LHFPL5: variants seen among roughly 807,000 people sequenced by gnomAD.
The protein encoded by LHFPL5 is LHFPL tetraspan subfamily member 5 protein.
A neutral mutation model predicts 18.7 loss-of-function variants in LHFPL5; 12 were observed. The observed-to-expected ratio is 0.64, with a 90% confidence interval of 0.41 to 1.04. The LOEUF (loss-of-function observed/expected upper bound fraction) is 1.04. Ranked by LOEUF, LHFPL5 falls within the 50% of genes least tolerant of loss-of-function variation. The pLI is 0.00. For synonymous variants in LHFPL5, 111 were observed against 120.2 expected (o/e 0.92, Z 0.50); for missense variants, 259 against 292.1 (o/e 0.89, Z 0.83).
Position 35,805,881 on chromosome 6 carries a change from AACGTGCTGTCCTCC to A in LHFPL5, c.212_225del (p.Asn71ArgfsTer17). Reference sequence around the variant, plus strand: ...CGGCCTTTTCTCCTACTGCGTGGGTAACGTGCTGTCCTCCGAGCTCATCTGCAAGGGCGGCCCCC... The same window carrying A: ...CGGCCTTTTCTCCTACTGCGTGGGTAGAGCTCATCTGCAAGGGCGGCCCCC... On this transcript the variant is annotated frameshift_variant, in exon 1 of 4. Coordinates refer to ENST00000360215, the MANE Select transcript of LHFPL5 (RefSeq NM_182548.4). LOFTEE classifies it high-confidence loss of function. This position sits in a 1 kb window ranked among gnomAD's most constrained non-coding sequence, Gnocchi z 4.3. 4.3e-6 allele frequency: 7 copies of A among 1,614,186 alleles called. No individual in the cohort carries two copies. The highest frequency in any genetic ancestry group is 5.9e-6 in the Non-Finnish European group (7 of 1,180,012).
At chr6:35,817,919 A>G (rs957338902) in intron 2 of LHFPL5, among the ~76,000 whole-genome samples, 5 of 152,248 alleles carry the variant, frequency 3.3e-5, no homozygotes, top group Non-Finnish European at 7.3e-5. Flanking sequence ...TCATGGCAGC[A>G]TAATAGCCAA....
chr6:35,822,774 CA>C (rs1768889907), intron 3 of LHFPL5, among the ~76,000 whole-genome samples: 3 of 151,754 alleles, frequency 2.0e-5, no homozygotes, highest in Admixed American at 2.0e-4. Context: ...GGTGTGAGCC[CA>C]ATTTTGGTAT....
chr6:35,813,191 C>T (rs1442973661), intron 1 of LHFPL5, among the ~76,000 whole-genome samples: 1 of 149,654 alleles, frequency 6.7e-6, no homozygotes, highest in African/African-American at 2.5e-5. Flanking sequence ...TGGAAGAGTG[C>T]TTTTGAAAAC....
rs1386289697 is a variant in LHFPL5 at position 35,805,554 on chromosome 6, C to G, written c.-117C>G. The G allele has an allele frequency of 9.5e-7, 1 of 1,050,166 alleles. No individual in the cohort carries two copies. The highest frequency in any genetic ancestry group is 1.9e-5 in the Admixed American group (1 of 51,744). 65.1% of individuals were successfully genotyped at this position (1,050,166 alleles called of 1,614,324 possible). ...CCTTGAAGGGACCTCACCTGGTGCC[C>G]TGACCTCAGCCTCCTCCCCAAACCC... On this transcript the variant is annotated 5_prime_UTR_variant, in exon 1 of 4. Coordinates refer to ENST00000360215, the MANE Select transcript of LHFPL5 (RefSeq NM_182548.4). The surrounding 1 kb of genome is among the most constrained non-coding windows in gnomAD (Gnocchi z 4.3).
intron 1 of LHFPL5, among the ~76,000 whole-genome samples, chr6:35,809,058 C>T (rs910836786): frequency 3.9e-5 from 6 of 152,032 alleles, no homozygotes; most frequent in Non-Finnish European, 8.8e-5. Context: ...TGCCAAGAAG[C>T]CTGGGAACAG....
intron 1 of LHFPL5, among the ~76,000 whole-genome samples, chr6:35,807,401 G>A (rs1768589518): frequency 6.6e-6 from 1 of 152,148 alleles, no homozygotes; most frequent in South Asian, 2.1e-4. Flanking sequence ...GTGCCAAGTG[G>A]TCTTGCTCTT....
chr6:35,821,447 CTT>C (rs1404295532), intron 3 of LHFPL5, among the ~76,000 whole-genome samples: 4 of 114,396 alleles, frequency 3.5e-5, no homozygotes, highest in Non-Finnish European at 5.4e-5. Flanking sequence ...AGAGCATAAT[CTT>C]TGTGTGTGTG....
At chr6:35,809,358 G>C (rs1418996493) in intron 1 of LHFPL5, among the ~76,000 whole-genome samples, 3 of 152,102 alleles carry the variant, frequency 2.0e-5, no homozygotes, top group Non-Finnish European at 2.9e-5. Flanking sequence ...TCTGAGATCT[G>C]GGTGCCGGCA....
At position 35,814,616 on chromosome 6, in the gene LHFPL5, T is replaced by C; in HGVS notation, c.483T>C (p.Cys161=). 1 of 1,614,062 alleles carries C rather than the reference T, an allele frequency of 6.2e-7. No homozygotes were observed. Among genetic ancestry groups the C allele is most frequent in the Non-Finnish European group, 8.5e-7 (1 of 1,180,006 alleles). Residue 161 remains cysteine (C), a synonymous_variant, in exon 2 of 4, where the codon TGT becomes TGC. Coordinates refer to ENST00000360215, the MANE Select transcript of LHFPL5 (RefSeq NM_182548.4). This position sits in a 1 kb window ranked among gnomAD's most constrained non-coding sequence, Gnocchi z 4.2. ...GWDSSEVRRM[C]GEQTGKYTLG... is the part of the protein sequence containing the mutation. ...ACTCAAGTGAGGTGCGGCGCATGTG[T>C]GGGGAGCAGACGGGCAAGTACACGC... is the stretch of plus-strand genomic sequence containing the variant.
chr6:35,818,340 TATATATATGTA>T (rs1306164526), intron 2 of LHFPL5, among the ~76,000 whole-genome samples: 3,888 of 14,714 alleles, frequency 0.26, 120 homozygotes, highest in South Asian at 0.36. Flanking sequence ...TATATATATA[TATATATATGTA>T]TTTTTTTTTT....
rs774401637 is a variant in LHFPL5, at chr6:35,823,475, A to ACTCTCTCT, written c.*511_*512insTCTCTCTC. 0.22 allele frequency: 30,880 copies of ACTCTCTCT among 141,440 alleles called. 3,895 individuals are homozygous for ACTCTCTCT. Among genetic ancestry groups the ACTCTCTCT allele is most frequent in the South Asian group, 0.34 (1,476 of 4,290 alleles). 8.8% of individuals were successfully genotyped at this position (141,440 alleles called of 1,614,324 possible). ...CACACACACACACACACACACACAC[A>ACTCTCTCT]CACTCTCTCTCTCTCTCAAACACAC... On this transcript the variant is annotated 3_prime_UTR_variant, in exon 4 of 4. Coordinates refer to ENST00000360215, the MANE Select transcript of LHFPL5 (RefSeq NM_182548.4).
At chr6:35,816,238 C>T (rs573346362) in intron 2 of LHFPL5, among the ~76,000 whole-genome samples, 4 of 143,944 alleles carry the variant, frequency 2.8e-5, no homozygotes, top group South Asian at 2.2e-4. Context: ...CCCAGCTACT[C>T]GGGAGGCTGA....
chr6:35,815,848 A>G (rs1206947300), intron 2 of LHFPL5, among the ~76,000 whole-genome samples: 2 of 152,150 alleles, frequency 1.3e-5, no homozygotes, highest in Non-Finnish European at 2.9e-5. Context: ...TTTGGGGGTG[A>G]GAGAAGGATA....
chr6:35,812,669 G>C (rs749006694), intron 1 of LHFPL5, among the ~76,000 whole-genome samples: 4 of 152,168 alleles, frequency 2.6e-5, no homozygotes, highest in Non-Finnish European at 5.9e-5. Flanking sequence ...CTCTTTTCCA[G>C]TATTAACTCA....
chr6:35,816,810 TAAAAAAA>T (rs752528571), intron 2 of LHFPL5, among the ~76,000 whole-genome samples: 2 of 83,286 alleles, frequency 2.4e-5, no homozygotes, highest in Non-Finnish European at 4.9e-5. Context: ...AGACTCCATC[TAAAAAAA>T]AAAAAAAAAA....
chr6:35,822,640 TAGGACTAC>T (rs1768887294), intron 3 of LHFPL5, among the ~76,000 whole-genome samples: 1 of 152,200 alleles, frequency 6.6e-6, no homozygotes, highest in Non-Finnish European at 1.5e-5. Context: ...CCCAAGTAGC[TAGGACTAC>T]AGGCACGTGC....
chr6:35,814,328 A>C lies in LHFPL5; in HGVS notation c.413-218A>C, dbSNP rs991495667. ...AGGAGCTCAGCTCTGCCTCCGCCCC[A>C]ACTACTGGGTCTCGGGGGCCAGTTG... On this transcript the variant is annotated intron_variant, in intron 1 of 3. Coordinates refer to ENST00000360215, the MANE Select transcript of LHFPL5 (RefSeq NM_182548.4). This position sits in a 1 kb window ranked among gnomAD's most constrained non-coding sequence, Gnocchi z 4.2. Among the ~76,000 whole-genome samples, 1 of 151,634 alleles carries C rather than the reference A, an allele frequency of 6.6e-6. No individual in the cohort carries two copies. Among genetic ancestry groups the C allele is most frequent in the African/African-American group, 2.4e-5 (1 of 41,234 alleles).
rs1017369999 is a variant in LHFPL5, at chr6:35,822,977, C to A, written c.*17-5C>A. On this transcript the variant is annotated splice_polypyrimidine_tract_variant and splice_region_variant and intron_variant, in intron 3 of 3. Transcript: ENST00000360215. The stretch of plus-strand genomic sequence containing the variant: ...TTTTGTTCTTTTGTTTTTCTTATAC[C>A]ACAGGTCATCTATTTCCCAGACACA... 1 of 152,080 alleles carries A rather than the reference C, an allele frequency of 6.6e-6. No homozygotes were observed. Among genetic ancestry groups the A allele is most frequent in the Non-Finnish European group, 1.5e-5 (1 of 68,028 alleles). The allele number at this position is 152,080 out of a possible 1,614,324, so 9.4% of individuals were successfully genotyped here. A position where few individuals can be genotyped will look rare whatever the true frequency, so the allele number is the denominator to read the frequency against.
intron 1 of LHFPL5, among the ~76,000 whole-genome samples, chr6:35,810,646 CAAAAAATACA>C (rs1393545214): frequency 7.9e-5 from 12 of 151,508 alleles, no homozygotes; most frequent in Admixed American, 7.9e-4. Flanking sequence ...ATAATCCCCC[CAAAAAATACA>C]AAAAAATACA....
Sources: gnomAD v4.1 joint callset for allele counts (sites outside exome capture counted in the v4.1 genomes callset) on GRCh38, gnomAD v4.1.1 for gene constraint, Gnocchi (gnomAD v3.1) non-coding constraint, MANE v1.5 for transcripts, NCBI Gene and HGNC (gene_info 2026-07-23, HGNC 2026-07-21) for gene names.